Variants in LYPLAL1 observed in about 807,000 individuals in gnomAD.
LYPLAL1 encodes the protein lysophospholipase-like protein 1.
LYPLAL1 carries 23 observed loss-of-function variants against 19.7 expected under a neutral mutation model. The observed-to-expected ratio is 1.17, with a 90% confidence interval of 0.84 to 1.65. LYPLAL1 has a LOEUF of 1.65. Ranked by LOEUF, LYPLAL1 falls within the 40% of genes most tolerant of loss-of-function variation. LYPLAL1 has a pLI of 0.00. For missense variants in LYPLAL1, 355 were observed against 279.4 expected, an observed-to-expected ratio of 1.27 and a Z score of -1.93; for synonymous variants, 119 against 96.3, an observed-to-expected ratio of 1.24 and a Z score of -1.38.
At chr1:219,441,306 T>A in the LYPLAL1 span, among the ~76,000 whole-genome samples, 1 of 152,162 alleles carries the variant, frequency 6.6e-6, no homozygotes, top group East Asian at 1.9e-4. Flanking sequence ...GGTAGGATAA[T>A]GATATTGTGC....
At chr1:219,426,783 G>A in the LYPLAL1 span, among the ~76,000 whole-genome samples, 1 of 152,268 alleles carries the variant, frequency 6.6e-6, no homozygotes, top group Admixed American at 6.5e-5. Context: ...ATTTTTAGTA[G>A]AGACGGGTTT....
At chr1:219,250,175 T>C in the LYPLAL1 span, among the ~76,000 whole-genome samples, 3 of 152,042 alleles carry the variant, frequency 2.0e-5, no homozygotes, top group Admixed American at 2.0e-4. Flanking sequence ...ATCTATATTC[T>C]ATATAATTTG....
At position 219,186,106 on chromosome 1, in the gene LYPLAL1, A is replaced by G. The variant is rs146740534; in HGVS notation, c.191+6860A>G. ...ATAAGTTCTGGGTCCTAAATAACCC[A>G]TGAGTTATTTAGAAACATGTTGTTT... On this transcript the variant is annotated intron_variant, in intron 2 of 4. Transcript: ENST00000366928. 7.6e-3 allele frequency among the ~76,000 whole-genome samples: 1,154 copies of G among 151,976 alleles called. 4 individuals carry two copies. The highest frequency in any genetic ancestry group is 0.023 in the South Asian group (110 of 4,822).
chr1:219,272,407 G>A, the LYPLAL1 span: 1 of 152,450 alleles, frequency 6.6e-6, no homozygotes, highest in Non-Finnish European at 1.5e-5. Flanking sequence ...TCTGAGCTGA[G>A]ACGTCAGAGT....
At chr1:219,407,325 A>C in the LYPLAL1 span, among the ~76,000 whole-genome samples, 6 of 152,202 alleles carry the variant, frequency 3.9e-5, no homozygotes, top group African/African-American at 1.4e-4. Context: ...GCAAGGAAAA[A>C]TCAGGTTAGA....
chr1:219,327,618 C>A, the LYPLAL1 span, among the ~76,000 whole-genome samples: 2 of 152,284 alleles, frequency 1.3e-5, no homozygotes, highest in Non-Finnish European at 1.5e-5. Flanking sequence ...TCCCTATAAT[C>A]ATTCCCTAGG....
At chr1:219,218,570 T>A in the LYPLAL1 span, among the ~76,000 whole-genome samples, 1 of 151,982 alleles carries the variant, frequency 6.6e-6, no homozygotes, top group Non-Finnish European at 1.5e-5. Flanking sequence ...CAAGACAATC[T>A]TCTTCCAGTG....
At chr1:219,336,508 T>C in the LYPLAL1 span, among the ~76,000 whole-genome samples, 2 of 151,952 alleles carry the variant, frequency 1.3e-5, no homozygotes, top group African/African-American at 4.8e-5. Context: ...CTAGCAGTGA[T>C]ACCAATACCA....
chr1:219,304,782 G>A, the LYPLAL1 span, among the ~76,000 whole-genome samples: 6 of 152,270 alleles, frequency 3.9e-5, no homozygotes, highest in East Asian at 9.7e-4. Flanking sequence ...GAGATGCCAA[G>A]TCGTCTACAC....
chr1:219,250,678 C>A, the LYPLAL1 span, among the ~76,000 whole-genome samples: 1 of 151,968 alleles, frequency 6.6e-6, no homozygotes, highest in East Asian at 1.9e-4. Context: ...TGTATACATA[C>A]CACATTTTCT....
At chr1:219,412,857 A>G in the LYPLAL1 span, among the ~76,000 whole-genome samples, 2 of 152,238 alleles carry the variant, frequency 1.3e-5, no homozygotes, top group African/African-American at 4.8e-5. Context: ...ACAACGAAAG[A>G]GATAAATGCA....
At chr1:219,352,758 T>G in the LYPLAL1 span, among the ~76,000 whole-genome samples, 5 of 152,140 alleles carry the variant, frequency 3.3e-5, no homozygotes. Flanking sequence ...TGCATGTTCA[T>G]TGCATCACCA....
At chr1:219,206,591 A>G (rs1053665139) in intron 3 of LYPLAL1, among the ~76,000 whole-genome samples, 1 of 152,126 alleles carries the variant, frequency 6.6e-6, no homozygotes, top group African/African-American at 2.4e-5. Context: ...ATCTTAAAAT[A>G]ATAATATTTC....
chr1:219,334,526 G>GGT, the LYPLAL1 span, among the ~76,000 whole-genome samples: 51,196 of 146,850 alleles, frequency 0.35, 9,011 homozygotes, highest in East Asian at 0.7. Context: ...AATGAAGAGG[G>GGT]GTGTGTGTGT....
the LYPLAL1 span, among the ~76,000 whole-genome samples, chr1:219,415,753 T>A: frequency 1.3e-5 from 2 of 152,218 alleles, no homozygotes; most frequent in Non-Finnish European, 2.9e-5. Context: ...CAAAGGCAAG[T>A]TGTCAGCAGG....
chr1:219,217,755 C>T (rs1010307654), downstream of LYPLAL1, among the ~76,000 whole-genome samples: 4 of 152,110 alleles, frequency 2.6e-5, no homozygotes, highest in Non-Finnish European at 5.9e-5. Context: ...CAACCATTCT[C>T]TTCATGCCCC....
intron 2 of LYPLAL1, among the ~76,000 whole-genome samples, chr1:219,181,762 A>G (rs1656312949): frequency 6.6e-6 from 1 of 152,128 alleles, no homozygotes. Flanking sequence ...TACTTAGTAT[A>G]TTATAATTAG....
At position 219,179,131 on chromosome 1, in the gene LYPLAL1, T is replaced by G. The variant is rs192271952; in HGVS notation, c.92-16T>G. 1 of 1,553,320 alleles carries G rather than the reference T, an allele frequency of 6.4e-7. No homozygotes were observed. Among genetic ancestry groups the G allele is most frequent in the Admixed American group, 1.9e-5 (1 of 52,220 alleles). On this transcript the variant is annotated splice_polypyrimidine_tract_variant and intron_variant, in intron 1 of 4. Transcript: ENST00000366928. Reference sequence around the variant, plus strand: ...ACTAAAATATTTATTTTAATCTAGATTTTTTGATTCATCAGGTGATTCTGG... The same window carrying G: ...ACTAAAATATTTATTTTAATCTAGAGTTTTTGATTCATCAGGTGATTCTGG...
chr1:219,404,806 G>C, the LYPLAL1 span, among the ~76,000 whole-genome samples: 1 of 152,152 alleles, frequency 6.6e-6, no homozygotes, highest in African/African-American at 2.4e-5. Context: ...ACATGATAAG[G>C]GTTTGAGGTG....
Sources: allele counts gnomAD v4.1 joint callset (sites outside exome capture counted in the v4.1 genomes callset), GRCh38; gene constraint gnomAD v4.1.1; transcripts MANE v1.5; gene names NCBI Gene and HGNC (gene_info 2026-07-23, HGNC 2026-07-21).